XYLB: variants seen among roughly 807,000 people sequenced by gnomAD.
The protein encoded by XYLB is xylulose kinase.
XYLB carries 62 observed loss-of-function variants against 78.7 expected under a neutral mutation model. The ratio of observed to expected loss-of-function variants is 0.79; its 90% CI spans 0.64 to 0.97. The LOEUF is 0.97. Ranked by LOEUF, XYLB falls within the 50% of genes least tolerant of loss-of-function variation. The pLI is 0.00. For missense variants in XYLB, 687 were observed against 676.8 expected (o/e 1.02, Z -0.17); for synonymous variants, 245 against 247.4 (o/e 0.99, Z 0.09).
intron 2 of XYLB, chr3:38,356,250 CAAA>C (rs56412101): frequency 0.85 from 116,525 of 136,832 alleles, 49,811 homozygotes; most frequent in Non-Finnish European, 0.93. Flanking sequence ...GACTCTGTCT[CAAA>C]AAAAAAAAAA....
At chr3:38,351,170 T>TAAAAAAAAAA in intron 2 of XYLB, among the ~76,000 whole-genome samples, 1 of 28,796 alleles carries the variant, frequency 3.5e-5, no homozygotes, top group Non-Finnish European at 6.2e-5. Context: ...AGAGCCTGTC[T>TAAAAAAAAAA]CAAAAAAAAA....
the XYLB span, among the ~76,000 whole-genome samples, chr3:38,448,854 G>A: frequency 6.6e-6 from 1 of 152,156 alleles, no homozygotes; most frequent in Non-Finnish European, 1.5e-5. Flanking sequence ...TTTGCTGGGT[G>A]GAGCTAAACA....
At chr3:38,399,517 A>G (rs1190692273) in intron 17 of XYLB, among the ~76,000 whole-genome samples, 1 of 152,168 alleles carries the variant, frequency 6.6e-6, no homozygotes, top group Non-Finnish European at 1.5e-5. Flanking sequence ...CCTTTGTTTC[A>G]TCCTCCCAAA....
the XYLB span, among the ~76,000 whole-genome samples, chr3:38,445,313 G>A: frequency 3.3e-5 from 5 of 152,166 alleles, no homozygotes; most frequent in African/African-American, 4.8e-5. Context: ...ACTCCCCCAC[G>A]CGACGGGGCT....
chr3:38,452,435 CTTG>C, the XYLB span: 1 of 151,926 alleles, frequency 6.6e-6, no homozygotes, highest in Non-Finnish European at 1.5e-5. Flanking sequence ...CCTTTATAAA[CTTG>C]TTTTTTTTTT....
chr3:38,401,410 T>G (rs1708119802), intron 18 of XYLB, among the ~76,000 whole-genome samples: 2 of 152,096 alleles, frequency 1.3e-5, no homozygotes, highest in Non-Finnish European at 2.9e-5. Flanking sequence ...GCAGGTTGGG[T>G]CCCTCAGAAA....
Position 38,414,075 on chromosome 3 carries a change from C to G in XYLB, c.*1062C>G, listed in dbSNP as rs1445928123. The G allele has an allele frequency of 6.6e-6, 1 of 152,180 alleles. No homozygotes were observed. Among genetic ancestry groups the G allele is most frequent in the African/African-American group, 2.4e-5 (1 of 41,436 alleles). The allele number at this position is 152,180 out of a possible 1,614,324, so 9.4% of individuals were successfully genotyped here. ...TGCAAAAGCCTCTATAGAAAGTCCT[C>G]TGTGATCTGACTCCTGCAGACTCTT... On this transcript the variant is annotated 3_prime_UTR_variant, in exon 19 of 19. Coordinates refer to ENST00000207870, the MANE Select transcript of XYLB (RefSeq NM_005108.4).
chr3:38,392,814 AG>A (rs1158211221), intron 15 of XYLB, among the ~76,000 whole-genome samples: 1 of 152,230 alleles, frequency 6.6e-6, no homozygotes, highest in African/African-American at 2.4e-5. Flanking sequence ...GCAATTTAAC[AG>A]AATTTTGATG....
the XYLB span, chr3:38,452,232 G>T: frequency 6.6e-6 from 1 of 152,076 alleles, no homozygotes; most frequent in Non-Finnish European, 1.5e-5. Flanking sequence ...TAGATAATAA[G>T]TCACCTGTAG....
downstream of XYLB, among the ~76,000 whole-genome samples, chr3:38,416,768 G>A (rs1708809094): frequency 6.6e-6 from 1 of 152,158 alleles, no homozygotes; most frequent in Admixed American, 6.5e-5. Context: ...TTCACAAGGA[G>A]GATATACTAT....
At chr3:38,401,707 T>C (rs769687035) in intron 18 of XYLB, among the ~76,000 whole-genome samples, 9 of 152,278 alleles carry the variant, frequency 5.9e-5, no homozygotes, top group Middle Eastern at 3.4e-3. Context: ...CAGCTCTTTA[T>C]AGCTAAAGCA....
At chr3:38,371,201 T>C (rs2125593064) in intron 9 of XYLB, among the ~76,000 whole-genome samples, 1 of 152,222 alleles carries the variant, frequency 6.6e-6, no homozygotes, top group East Asian at 1.9e-4. Context: ...CACCAACTCC[T>C]GGGCTCAAGT....
intron 4 of XYLB, among the ~76,000 whole-genome samples, chr3:38,364,635 C>G (rs1322137990): frequency 6.6e-6 from 1 of 151,834 alleles, no homozygotes; most frequent in Non-Finnish European, 1.5e-5. Flanking sequence ...GGACCATTTC[C>G]TGATACTCAT....
intron 4 of XYLB, among the ~76,000 whole-genome samples, chr3:38,363,848 C>A (rs111440387): frequency 1.7e-4 from 26 of 152,310 alleles, no homozygotes; most frequent in Non-Finnish European, 1.6e-4. Flanking sequence ...AGTCCCTTGG[C>A]TGTGCTGGGA....
chr3:38,370,350 T>C, intron 9 of XYLB, 176 bp downstream of exon 9: 2 of 590,904 alleles, frequency 3.4e-6, no homozygotes, highest in Non-Finnish European at 3.0e-6. Flanking sequence ...TAAGTCAGTG[T>C]CTGGATCAGT....
At chr3:38,409,440 G>A (rs1255190627) in intron 18 of XYLB, among the ~76,000 whole-genome samples, 5 of 152,054 alleles carry the variant, frequency 3.3e-5, no homozygotes, top group African/African-American at 1.2e-4. Flanking sequence ...ATACTGAATG[G>A]GCAAAAACTA....
intron 14 of XYLB, among the ~76,000 whole-genome samples, chr3:38,378,595 T>C (rs1288251534): frequency 6.6e-6 from 1 of 152,020 alleles, no homozygotes. Flanking sequence ...GATCTCACCA[T>C]GGAAAGAGTA....
chr3:38,376,750 T>G (rs921318748), intron 13 of XYLB, among the ~76,000 whole-genome samples, 168 bp from the exon 14 acceptor site: 2 of 152,142 alleles, frequency 1.3e-5, no homozygotes, highest in African/African-American at 4.8e-5. Context: ...TTCCCTTCTA[T>G]CCTGTTGGAG....
intron 12 of XYLB, 72 bp downstream of exon 12, chr3:38,375,331 A>T (rs1413586121): frequency 1.5e-6 from 2 of 1,315,178 alleles, no homozygotes; most frequent in East Asian, 4.9e-5. Context: ...CATCTTGAGG[A>T]CCCCAAGTCA....
Sources: allele counts gnomAD v4.1 joint callset (sites outside exome capture counted in the v4.1 genomes callset), GRCh38; gene constraint gnomAD v4.1.1; transcripts MANE v1.5; gene names NCBI Gene and HGNC (gene_info 2026-07-23, HGNC 2026-07-21).